The following P2RY6 variants were observed in gnomAD, a reference collection of about 807,000 sequenced individuals.
The protein encoded by P2RY6 is P2Y purinoceptor 6.
Under a neutral mutation model 16.3 loss-of-function variants are expected in P2RY6, and 19 were observed. That is an observed-to-expected ratio of 1.16 (90% CI 0.81 to 1.71). The LOEUF is 1.71. Among genes scored for constraint, P2RY6 ranks in the 40% most tolerant of loss-of-function variants. P2RY6 has a pLI of 0.00. For synonymous variants in P2RY6, 184 were observed against 201.5 expected (o/e 0.91, Z 0.74); for missense variants, 389 against 455.5 (o/e 0.85, Z 1.33).
intron 1 of P2RY6, among the ~76,000 whole-genome samples, chr11:73,273,016 C>T (rs1368279639): frequency 6.6e-6 from 1 of 151,730 alleles, no homozygotes; most frequent in Non-Finnish European, 1.5e-5. Context: ...AGAGGAGGCC[C>T]TTGGGAAGCC....
chr11:73,295,098 A>T (rs1164431536), intron 1 of P2RY6, among the ~76,000 whole-genome samples: 2 of 152,172 alleles, frequency 1.3e-5, no homozygotes, highest in African/African-American at 4.8e-5. Flanking sequence ...GGCCCATTGG[A>T]TTTAAGTTGC....
At chr11:73,276,106 G>T (rs1863524933) in intron 1 of P2RY6, among the ~76,000 whole-genome samples, 1 of 152,176 alleles carries the variant, frequency 6.6e-6, no homozygotes, top group African/African-American at 2.4e-5. Context: ...CCATTAAATG[G>T]TAAAATATGA....
intron 1 of P2RY6, among the ~76,000 whole-genome samples, chr11:73,290,291 AAAG>A: frequency 2.2e-5 from 3 of 138,534 alleles, no homozygotes; most frequent in Non-Finnish European, 4.6e-5. Flanking sequence ...GGAAAGAAAG[AAAG>A]AAAGAAAGAA....
intron 1 of P2RY6, among the ~76,000 whole-genome samples, chr11:73,265,926 A>G (rs1441435069): frequency 6.6e-6 from 1 of 152,242 alleles, no homozygotes; most frequent in African/African-American, 2.4e-5. Flanking sequence ...AGATGTGGAT[A>G]GTATTTGCCT....
chr11:73,277,903 G>C (rs540335759), intron 1 of P2RY6, among the ~76,000 whole-genome samples: 1 of 152,316 alleles, frequency 6.6e-6, no homozygotes, highest in South Asian at 2.1e-4. Flanking sequence ...CTGCTCACAA[G>C]ACTTGCAGAA....
At chr11:73,271,239 G>A (rs1233599587), upstream of P2RY6, among the ~76,000 whole-genome samples, 1 of 152,178 alleles carries the variant, frequency 6.6e-6, no homozygotes, top group Non-Finnish European at 1.5e-5. Flanking sequence ...GATTGGCGCT[G>A]GGGAGGGGAG....
At chr11:73,284,369 G>A (rs1380620261) in intron 1 of P2RY6, among the ~76,000 whole-genome samples, 1 of 152,114 alleles carries the variant, frequency 6.6e-6, no homozygotes, top group African/African-American at 2.4e-5. Flanking sequence ...GGGAGGGAGA[G>A]AAGCCAGGAA....
chr11:73,291,328 A>G (rs979754268), intron 1 of P2RY6, among the ~76,000 whole-genome samples: 4 of 152,208 alleles, frequency 2.6e-5, no homozygotes, highest in African/African-American at 7.2e-5. Context: ...AACACCTCCC[A>G]GGAGTCCTCA....
intron 1 of P2RY6, chr11:73,293,012 T>G (rs1864330569): frequency 1.0e-4 from 64 of 626,868 alleles, no homozygotes; most frequent in South Asian, 2.9e-4. Flanking sequence ...TGACTTCGGG[T>G]AGGTAGGCTG....
chr11:73,297,339 C>G lies in P2RY6; in HGVS notation c.821C>G (p.Thr274Ser), dbSNP rs1303925041. 1 of 1,612,216 alleles carries G rather than the reference C, an allele frequency of 6.2e-7. No individual in the cohort carries two copies. The highest frequency in any genetic ancestry group is 1.3e-5 in the African/African-American group (1 of 74,958). Residue 274 changes from threonine (T) to serine (S), a missense_variant, in exon 3 of 3, where the codon ACT (threonine) becomes AGT (serine). Coordinates refer to ENST00000540124, the MANE Select transcript of P2RY6 (RefSeq NM_001277204.2). ...CGCTCGACGCCGGGCGTCCCCTGCACTGTATTGGAGGCCTTTGCAGCGGCC... is the reference window on the plus strand; with the variant it reads ...CGCTCGACGCCGGGCGTCCCCTGCAGTGTATTGGAGGCCTTTGCAGCGGCC... ...AVRSTPGVPC[T>S]VLEAFAAAYK...
At position 73,297,246 on chromosome 11, in the gene P2RY6, T is replaced by C; in HGVS notation, c.728T>C (p.Val243Ala). The change falls in exon 3 of 3, where the codon GTG (valine) becomes GCG (alanine). Residue 243 changes from valine (V) to alanine (A), a missense_variant. By Grantham distance (64) the Val-to-Ala change is moderately conservative. Coordinates refer to ENST00000540124, the MANE Select transcript of P2RY6 (RefSeq NM_001277204.2). The part of the protein sequence containing the change: ...RRGKAARMAV[V>A]VAAAFAISFL... ...GGCAAGGCGGCCCGCATGGCCGTGG[T>C]GGTGGCTGCTGCCTTTGCCATCAGC... The C allele has an allele frequency of 6.2e-7, 1 of 1,604,688 alleles. No homozygotes were observed. The highest frequency in any genetic ancestry group is 8.5e-7 in the Non-Finnish European group (1 of 1,179,576).
chr11:73,285,920 G>C (rs527818240), intron 1 of P2RY6, among the ~76,000 whole-genome samples: 2 of 152,344 alleles, frequency 1.3e-5, no homozygotes, highest in South Asian at 4.1e-4. Flanking sequence ...TGGCCCCAGA[G>C]GCAAGCTGGA....
chr11:73,273,750 T>G (rs368104851), intron 1 of P2RY6, among the ~76,000 whole-genome samples: 18 of 152,322 alleles, frequency 1.2e-4, no homozygotes, highest in African/African-American at 3.6e-4. Context: ...CTGGCTTCTC[T>G]GTGCAGCCCA....
chr11:73,291,456 C>CCA (rs1407775086), intron 1 of P2RY6, among the ~76,000 whole-genome samples: 1 of 152,218 alleles, frequency 6.6e-6, no homozygotes, highest in East Asian at 1.9e-4. Context: ...CTCTCCTGGG[C>CCA]CACAGCACAG....
At chr11:73,267,813 T>C (rs1036936911), upstream of P2RY6, among the ~76,000 whole-genome samples, 6 of 152,220 alleles carry the variant, frequency 3.9e-5, no homozygotes, top group Non-Finnish European at 7.3e-5. Flanking sequence ...CCAGGACTTA[T>C]GTGGGATGGC....
chr11:73,290,841 G>A (rs1864213984), intron 1 of P2RY6, among the ~76,000 whole-genome samples: 1 of 152,244 alleles, frequency 6.6e-6, no homozygotes, highest in Non-Finnish European at 1.5e-5. Flanking sequence ...CAAAGCTAAG[G>A]CCCGGTGAGA....
chr11:73,292,583 T>C (rs958441474), intron 1 of P2RY6, among the ~76,000 whole-genome samples: 1 of 152,140 alleles, frequency 6.6e-6, no homozygotes, highest in African/African-American at 2.4e-5. Flanking sequence ...AGCCTCTGGT[T>C]CTCCCCTACC....
chr11:73,297,631 C>T lies in P2RY6; in HGVS notation c.*126C>T. 1 of 754,172 alleles carries T rather than the reference C, an allele frequency of 1.3e-6. No homozygotes were observed. The highest frequency in any genetic ancestry group is 2.2e-6 in the Non-Finnish European group (1 of 461,068). 46.7% of individuals were successfully genotyped at this position (754,172 alleles called of 1,614,324 possible). On this transcript the variant is annotated 3_prime_UTR_variant, in exon 3 of 3. Coordinates refer to ENST00000540124, the MANE Select transcript of P2RY6 (RefSeq NM_001277204.2). The stretch of plus-strand genomic sequence containing the variant: ...CTGGGCATGGAGTTAAGATCCCTCA[C>T]AGGACCCAGAAGCTCACCAAAAACT...
chr11:73,292,975 G>T (rs548119566), intron 1 of P2RY6: 4 of 177,020 alleles, frequency 2.3e-5, no homozygotes, highest in African/African-American at 4.9e-5. Flanking sequence ...GCGGGGGGTG[G>T]GGGGGGGAGG....
Sources: gnomAD v4.1 joint callset for allele counts (sites outside exome capture counted in the v4.1 genomes callset) on GRCh38, gnomAD v4.1.1 for gene constraint, MANE v1.5 for transcripts, NCBI Gene and HGNC (gene_info 2026-07-23, HGNC 2026-07-21) for gene names.